The following YY1 variants were observed in gnomAD, a reference collection of about 807,000 sequenced individuals.
The protein encoded by YY1 is transcriptional repressor protein YY1.
In YY1, 2 loss-of-function variants were observed where a neutral mutation model predicts 35.6. The ratio of observed to expected loss-of-function variants is 0.06; its 90% CI spans 0.02 to 0.18. The LOEUF is 0.18. Ranked by LOEUF, YY1 falls within the 10% of genes least tolerant of loss-of-function variation. The probability of loss-of-function intolerance (pLI) is 1.00; values close to 1 mark genes in which losing one functional copy is unlikely to be tolerated. For missense variants in YY1, 322 were observed against 573.4 expected, an observed-to-expected ratio of 0.56 and a Z score of 4.48; for synonymous variants, 268 against 238.9, an observed-to-expected ratio of 1.12 and a Z score of -1.12.
chr14:100,246,555 C>A (rs61992935), intron 1 of YY1, among the ~76,000 whole-genome samples: 1 of 152,204 alleles, frequency 6.6e-6, no homozygotes, highest in Non-Finnish European at 1.5e-5. Flanking sequence ...AAATAATAAT[C>A]ATTATTCTGT....
chr14:100,267,104 T>A (rs557450961), intron 2 of YY1, among the ~76,000 whole-genome samples: 2 of 152,020 alleles, frequency 1.3e-5, no homozygotes, highest in African/African-American at 4.8e-5. Flanking sequence ...CTTGGTGGTA[T>A]GGAAAAGGGT....
rs777217783 is a variant in YY1 at position 100,239,445 on chromosome 14, C to A, written c.201C>A (p.His67Gln). ...GDHGGGGGHG[H>Q]AGHHHHHHHH... ...ACGGCGGCGGGGGCGGCCACGGGCA[C>A]GCCGGCCACCACCACCACCACCATC... The change falls in exon 1 of 5, where the codon CAC becomes CAA. Residue 67 changes from histidine (H) to glutamine (Q), a missense_variant. His to Gln is a conservative substitution (Grantham distance 24, BLOSUM62 0). This residue lies in a region of YY1 where 137 missense variants were observed against 167.0 expected (regional missense o/e 0.82). Coordinates refer to ENST00000262238, the MANE Select transcript of YY1 (RefSeq NM_003403.5). 2 of 1,592,908 alleles carry A rather than the reference C, an allele frequency of 1.3e-6. No individual in the cohort carries two copies. Among genetic ancestry groups the A allele is most frequent in the Admixed American group, 1.7e-5 (1 of 58,190 alleles).
intron 2 of YY1, among the ~76,000 whole-genome samples, chr14:100,268,950 G>C (rs1182657887): frequency 6.6e-6 from 1 of 152,228 alleles, no homozygotes; most frequent in East Asian, 1.9e-4. Context: ...ACAATGCTCT[G>C]CTGATACTGT....
At position 100,254,940 on chromosome 14, in the gene YY1, A is replaced by ATTTTTTTT. The variant is rs35165026; in HGVS notation, c.680-7342_680-7335dup. Among the ~76,000 whole-genome samples the ATTTTTTTT allele has an allele frequency of 2.2e-3, 65 of 29,580 alleles. 3 individuals carry two copies. The highest frequency in any genetic ancestry group is 0.05 in the Middle Eastern group (1 of 20). The allele number at this position is 29,580 out of a possible 152,430, so 19.4% of individuals were successfully genotyped here. On this transcript the variant is annotated intron_variant, in intron 1 of 4. Coordinates refer to ENST00000262238, the MANE Select transcript of YY1 (RefSeq NM_003403.5). Reference sequence around the variant, plus strand: ...AAGCGCCCGCCACCACGCCCAGCTAATTTTTTTTTTTTTTTTTTTTTTTTT... The same window carrying ATTTTTTTT: ...AAGCGCCCGCCACCACGCCCAGCTAATTTTTTTTTTTTTTTTTTTTTTTTTTTTTTTTT...
chr14:100,277,652 G>T lies in YY1; in HGVS notation c.*52G>T. On this transcript the variant is annotated 3_prime_UTR_variant, in exon 5 of 5. Transcript: ENST00000262238. This position sits in a 1 kb window ranked among gnomAD's most constrained non-coding sequence, Gnocchi z 5.6. ...CACGGGAAGCATCTTCCAGAAGTGTGATTGGGAATAAATATGCCTCTCCTT... is the reference window on the plus strand; with the variant it reads ...CACGGGAAGCATCTTCCAGAAGTGTTATTGGGAATAAATATGCCTCTCCTT... The T allele has an allele frequency of 6.3e-7, 1 of 1,575,704 alleles. No individual in the cohort carries two copies. The highest frequency in any genetic ancestry group is 1.1e-5 in the South Asian group (1 of 89,310).
At chr14:100,242,095 A>G (rs1210194446) in intron 1 of YY1, among the ~76,000 whole-genome samples, 1 of 152,184 alleles carries the variant, frequency 6.6e-6, no homozygotes, top group Non-Finnish European at 1.5e-5. Context: ...AGGTAAAGAT[A>G]CATTAACCAC....
chr14:100,271,974 G>C (rs193160019), intron 2 of YY1, among the ~76,000 whole-genome samples: 60 of 152,218 alleles, frequency 3.9e-4, no homozygotes. Context: ...TTGGATGTTA[G>C]GGATGCTCAA....
chr14:100,267,680 C>A (rs186544560), intron 2 of YY1, among the ~76,000 whole-genome samples: 1 of 152,228 alleles, frequency 6.6e-6, no homozygotes, highest in East Asian at 1.9e-4. Flanking sequence ...CCCGCCACTA[C>A]GCCCGGCTAA....
chr14:100,242,376 T>C (rs1454600588), intron 1 of YY1, among the ~76,000 whole-genome samples: 10 of 65,786 alleles, frequency 1.5e-4, no homozygotes, highest in African/African-American at 6.3e-4. Flanking sequence ...GTTTTGTTTT[T>C]TGTTTTTTTT....
intron 2 of YY1, among the ~76,000 whole-genome samples, chr14:100,271,028 G>C (rs1467857948): frequency 6.6e-6 from 1 of 151,750 alleles, no homozygotes; most frequent in Non-Finnish European, 1.5e-5. Flanking sequence ...GGCGGATCAC[G>C]AGGTCAGGAG....
Position 100,277,871 on chromosome 14 carries a change from A to G in YY1, c.*271A>G. On this transcript the variant is annotated 3_prime_UTR_variant, in exon 5 of 5. Transcript: ENST00000262238. The surrounding 1 kb of genome is among the most constrained non-coding windows in gnomAD (Gnocchi z 5.6). The stretch of plus-strand genomic sequence containing the variant: ...TGTGGTCCCAACAGGAGGACAATTC[A>G]TGAACTTCGCATCAAAAGACAATTC... 2.3e-6 allele frequency: 1 copy of G among 434,824 alleles called. No homozygotes were observed. The highest frequency in any genetic ancestry group is 2.8e-5 in the South Asian group (1 of 35,310). The allele number at this position is 434,824 out of a possible 1,614,324, so 26.9% of individuals were successfully genotyped here. A position where few individuals can be genotyped will look rare whatever the true frequency, so the allele number is the denominator to read the frequency against.
chr14:100,268,912 A>G (rs1205439258), intron 2 of YY1, among the ~76,000 whole-genome samples: 1 of 152,236 alleles, frequency 6.6e-6, no homozygotes, highest in Non-Finnish European at 1.5e-5. Flanking sequence ...GGATATTTGC[A>G]GATCTGTTGG....
chr14:100,242,879 G>A (rs1244642950), intron 1 of YY1, among the ~76,000 whole-genome samples: 1 of 152,172 alleles, frequency 6.6e-6, no homozygotes, highest in Non-Finnish European at 1.5e-5. Context: ...CTCCCAAGTA[G>A]CTGGGATTGC....
intron 2 of YY1, among the ~76,000 whole-genome samples, chr14:100,272,023 G>A (rs1323543802): frequency 1.3e-5 from 2 of 152,018 alleles, no homozygotes; most frequent in Non-Finnish European, 2.9e-5. Flanking sequence ...ATATCTACAG[G>A]GTTGGGAAGG....
chr14:100,255,831 A>G (rs571031117), intron 1 of YY1, among the ~76,000 whole-genome samples: 20 of 152,242 alleles, frequency 1.3e-4, no homozygotes, highest in African/African-American at 3.6e-4. Context: ...TTGTCTCCCT[A>G]CTTGTGGACA....
At chr14:100,265,655 T>G (rs1158581700) in intron 2 of YY1, among the ~76,000 whole-genome samples, 19 of 148,958 alleles carry the variant, frequency 1.3e-4, no homozygotes, top group Admixed American at 1.1e-3. Context: ...AGCTTTTTTT[T>G]TTTTTTTTTT....
chr14:100,274,250 C>T (rs1365835544), intron 2 of YY1, among the ~76,000 whole-genome samples: 2 of 152,218 alleles, frequency 1.3e-5, no homozygotes, highest in African/African-American at 4.8e-5. Flanking sequence ...TAGGACACTC[C>T]TGTGTTCACC....
intron 3 of YY1, among the ~76,000 whole-genome samples, chr14:100,275,157 G>A (rs892971844): frequency 6.6e-6 from 1 of 152,178 alleles, no homozygotes; most frequent in African/African-American, 2.4e-5. Context: ...TAATAATTGT[G>A]TGTGATTAGA....
intron 1 of YY1, among the ~76,000 whole-genome samples, chr14:100,253,250 G>A (rs1890950301): frequency 6.6e-6 from 1 of 152,138 alleles, no homozygotes; most frequent in African/African-American, 2.4e-5. Flanking sequence ...ATGTACATTT[G>A]ATATTACCCC....
Sources: gnomAD v4.1 joint callset for allele counts (sites outside exome capture counted in the v4.1 genomes callset) on GRCh38, gnomAD v4.1.1 for gene constraint, gnomAD v4.1.1 regional missense constraint, Gnocchi (gnomAD v3.1) non-coding constraint, MANE v1.5 for transcripts, NCBI Gene and HGNC (gene_info 2026-07-23, HGNC 2026-07-21) for gene names.